PDAP1: variants seen among roughly 807,000 people sequenced by gnomAD.
PDAP1 encodes the protein PDGFA associated protein 1, also known as 28 kDa heat- and acid-stable phosphoprotein.
In PDAP1, 13 loss-of-function variants were observed where a neutral mutation model predicts 28.0. The ratio of observed to expected loss-of-function variants is 0.46; its 90% CI spans 0.30 to 0.74. PDAP1 has a LOEUF of 0.74. Ranked by LOEUF, PDAP1 falls within the 30% of genes least tolerant of loss-of-function variation. PDAP1 has a pLI of 0.07. For missense variants in PDAP1, 150 were observed against 230.0 expected (o/e 0.65, Z 2.25); for synonymous variants, 77 against 85.1 (o/e 0.91, Z 0.52).
intron 4 of PDAP1, among the ~76,000 whole-genome samples, chr7:99,399,016 G>A (rs896426436): frequency 1.3e-5 from 2 of 152,224 alleles, no homozygotes; most frequent in Admixed American, 6.5e-5. Context: ...TGGAGTGGAT[G>A]CCCTTCAGGA....
chr7:99,408,594 C>T lies in PDAP1; in HGVS notation c.-46G>A. 8.0e-7 allele frequency: 1 copy of T among 1,252,104 alleles called. No individual in the cohort carries two copies. Among genetic ancestry groups the T allele is most frequent in the Non-Finnish European group, 1.0e-6 (1 of 995,478 alleles). 77.6% of individuals were successfully genotyped at this position (1,252,104 alleles called of 1,614,324 possible). ...CGGCGGCGGCGGCGCCTCGAACTGACACCGGAACCGGAAATAGCTTGGGCT... is the reference window on the plus strand; with the variant it reads ...CGGCGGCGGCGGCGCCTCGAACTGATACCGGAACCGGAAATAGCTTGGGCT... On this transcript the variant is annotated 5_prime_UTR_variant, in exon 1 of 6. Coordinates refer to ENST00000350498, the MANE Select transcript of PDAP1 (RefSeq NM_014891.7).
At chr7:99,398,539 A>C (rs1794806810) in intron 4 of PDAP1, among the ~76,000 whole-genome samples, 1 of 152,214 alleles carries the variant, frequency 6.6e-6, no homozygotes, top group Non-Finnish European at 1.5e-5. Flanking sequence ...TAGAAAATTT[A>C]AAAATTAGCC....
chr7:99,408,479 G>C, intron 1 of PDAP1, 57 bp downstream of exon 1: 1 of 1,339,004 alleles, frequency 7.5e-7, no homozygotes, highest in East Asian at 3.1e-5. Context: ...GGGGACAGCG[G>C]AAGCCGGACC....
At chr7:99,396,983 C>T (rs965771866) in intron 5 of PDAP1, among the ~76,000 whole-genome samples, 2 of 152,176 alleles carry the variant, frequency 1.3e-5, no homozygotes, top group African/African-American at 2.4e-5. Flanking sequence ...CAAAGCCCCA[C>T]CAACACACAC....
At chr7:99,404,789 G>A (rs1419909034) in intron 2 of PDAP1, 73 bp downstream of exon 2, 6 of 1,220,772 alleles carry the variant, frequency 4.9e-6, no homozygotes, top group Non-Finnish European at 7.1e-6. Context: ...GTCCTTGCCT[G>A]GCCTCTCTAT....
chr7:99,397,856 C>A lies in PDAP1; in HGVS notation c.487+6G>T. On this transcript the variant is annotated splice_donor_region_variant and intron_variant, in intron 5 of 5. Coordinates refer to ENST00000350498, the MANE Select transcript of PDAP1 (RefSeq NM_014891.7). ...CCTGTCCCTGCGTGCGCAGCCCAGC[C>A]CTTACCTTTCCTTTCCTCTTCCTTC... 1 of 1,612,256 alleles carries A rather than the reference C, an allele frequency of 6.2e-7. No individual in the cohort carries two copies. Among genetic ancestry groups the A allele is most frequent in the South Asian group, 1.1e-5 (1 of 91,004 alleles).
At chr7:99,402,726 CA>C (rs1392166069) in intron 3 of PDAP1, among the ~76,000 whole-genome samples, 6 of 151,028 alleles carry the variant, frequency 4.0e-5, no homozygotes, top group Non-Finnish European at 7.4e-5. Context: ...ACTAAAAATA[CA>C]AAAAATTAGC....
At position 99,408,556 on chromosome 7, in the gene PDAP1, C is replaced by CCGGCGGCTG. The variant is rs1795034804; in HGVS notation, c.-17_-9dup. On this transcript the variant is annotated 5_prime_UTR_variant, in exon 1 of 6. Coordinates refer to ENST00000350498, the MANE Select transcript of PDAP1 (RefSeq NM_014891.7). ...CTCACCTCCTTTAGGCATTGCGGCT[C>CCGGCGGCTG]CGGCGGCTGCGGCGGCGGCGGCGGC... is the stretch of plus-strand genomic sequence containing the variant. The CCGGCGGCTG allele has an allele frequency of 8.6e-6, 11 of 1,276,256 alleles. No individual in the cohort carries two copies. The highest frequency in any genetic ancestry group is 8.4e-5 in the Admixed American group (2 of 23,912). 79.1% of individuals were successfully genotyped at this position (1,276,256 alleles called of 1,614,324 possible).
chr7:99,396,285 T>G lies in PDAP1; in HGVS notation c.*397A>C. ...GCACCCAGGCAACACAGTCCGGGGC[T>G]GTGTGTAGCAAACCTGTCAGCAGCT... On this transcript the variant is annotated 3_prime_UTR_variant, in exon 6 of 6. Coordinates refer to ENST00000350498, the MANE Select transcript of PDAP1 (RefSeq NM_014891.7). 1 of 327,608 alleles carries G rather than the reference T, an allele frequency of 3.1e-6. No individual in the cohort carries two copies. Among genetic ancestry groups the G allele is most frequent in the Non-Finnish European group, 5.9e-6 (1 of 168,906 alleles). 20.3% of individuals were successfully genotyped at this position (327,608 alleles called of 1,614,324 possible).
Position 99,398,057 on chromosome 7 carries a change from T to G in PDAP1, c.336-44A>C. On this transcript the variant is annotated intron_variant, in intron 4 of 5. Transcript: ENST00000350498. Reference sequence around the variant, plus strand: ...GTCATGGGGACATCTTTCCTACCACTGTTTGCCAAACTGGACGGGAGTCAG... The same window carrying G: ...GTCATGGGGACATCTTTCCTACCACGGTTTGCCAAACTGGACGGGAGTCAG... 5 of 1,607,920 alleles carry G rather than the reference T, an allele frequency of 3.1e-6. No homozygotes were observed. In the South Asian group the frequency reaches 5.5e-5, roughly 18 times the overall value.
At chr7:99,407,439 C>G (rs1360530102) in intron 1 of PDAP1, among the ~76,000 whole-genome samples, 3 of 152,164 alleles carry the variant, frequency 2.0e-5, no homozygotes, top group Non-Finnish European at 2.9e-5. Context: ...CAGTAGAGAG[C>G]TAGGTTTAAA....
intron 1 of PDAP1, among the ~76,000 whole-genome samples, chr7:99,405,182 C>G (rs1794950667): frequency 6.6e-6 from 1 of 152,214 alleles, no homozygotes; most frequent in African/African-American, 2.4e-5. Flanking sequence ...GGCTCCTACA[C>G]AGAAGACCGG....
intron 1 of PDAP1, 40 bp downstream of exon 1, chr7:99,408,496 G>GC: frequency 7.5e-7 from 1 of 1,335,286 alleles, no homozygotes; most frequent in Non-Finnish European, 9.6e-7. Flanking sequence ...GACCTGGGCC[G>GC]CCCCTCCAGG....
chr7:99,396,347 T>C lies in PDAP1; in HGVS notation c.*335A>G. The C allele has an allele frequency of 5.2e-6, 2 of 387,906 alleles. No individual in the cohort carries two copies. The highest frequency in any genetic ancestry group is 4.3e-5 in the South Asian group (2 of 45,978). The allele number at this position is 387,906 out of a possible 1,614,324, so 24.0% of individuals were successfully genotyped here. On this transcript the variant is annotated 3_prime_UTR_variant, in exon 6 of 6. Coordinates refer to ENST00000350498, the MANE Select transcript of PDAP1 (RefSeq NM_014891.7). ...CAACCACCCCCTTACATGCTATCTA[T>C]CTACCAGACAAATGAAAGCTCTTCT...
At position 99,402,051 on chromosome 7, in the gene PDAP1, C is replaced by T. The variant is rs575130269; in HGVS notation, c.213+1347G>A. ...TTGAGAGGCCAAGGCAGGCAGATCACGAGGTCAGGAGATTGAGACCATCCT... is the reference window on the plus strand; with the variant it reads ...TTGAGAGGCCAAGGCAGGCAGATCATGAGGTCAGGAGATTGAGACCATCCT... On this transcript the variant is annotated intron_variant, in intron 3 of 5. Transcript: ENST00000350498. 1.1e-4 allele frequency among the ~76,000 whole-genome samples: 17 copies of T among 151,860 alleles called. No individual in the cohort carries two copies. The East Asian group carries it at 2.8e-3, about 25-fold the overall frequency.
intron 3 of PDAP1, among the ~76,000 whole-genome samples, chr7:99,401,759 C>T (rs890257571): frequency 2.0e-5 from 3 of 149,590 alleles, no homozygotes; most frequent in African/African-American, 7.4e-5. Context: ...AGTGCAGTGG[C>T]ATAGTCTTGG....
chr7:99,397,748 C>T, intron 5 of PDAP1, 114 bp downstream of exon 5: 3 of 1,301,126 alleles, frequency 2.3e-6, no homozygotes, highest in Admixed American at 2.1e-5. Context: ...TCCTAGGCAG[C>T]AGTCACTCCT....
At chr7:99,398,255 C>T (rs1177671347) in intron 4 of PDAP1, among the ~76,000 whole-genome samples, 1 of 152,196 alleles carries the variant, frequency 6.6e-6, no homozygotes, top group Admixed American at 6.5e-5. Context: ...GGAAAGGGGA[C>T]AATGTCCAGC....
intron 1 of PDAP1, among the ~76,000 whole-genome samples, chr7:99,407,124 A>C (rs1794986084): frequency 6.6e-6 from 1 of 152,230 alleles, no homozygotes; most frequent in South Asian, 2.1e-4. Flanking sequence ...AACATAATGG[A>C]AACAAGCGTT....
Sources: allele counts gnomAD v4.1 joint callset (sites outside exome capture counted in the v4.1 genomes callset), GRCh38; gene constraint gnomAD v4.1.1; transcripts MANE v1.5; gene names NCBI Gene and HGNC (gene_info 2026-07-23, HGNC 2026-07-21).